The following FZR1 variants were observed in gnomAD, a reference collection of about 807,000 sequenced individuals.
FZR1 encodes fizzy-related protein homolog.
In FZR1, 11 loss-of-function variants were observed where a neutral mutation model predicts 63.6. The observed-to-expected ratio is 0.17, with a 90% CI of 0.11 to 0.29. FZR1 has a LOEUF of 0.29. Among genes scored for constraint, FZR1 ranks in the 10% least tolerant of loss-of-function variants. The pLI, the probability that FZR1 is intolerant of heterozygous loss-of-function variation, is 1.00. For synonymous variants in FZR1, 328 were observed against 297.9 expected (o/e 1.10, Z -1.04); for missense variants, 440 against 687.5 (o/e 0.64, Z 4.03).
rs1568242091 is a variant in FZR1, at chr19:3,534,886, C to CCAGCTCCT, written c.*56_*63dup. 4 of 1,456,832 alleles carry CCAGCTCCT rather than the reference C, an allele frequency of 2.7e-6. No individual in the cohort carries two copies. Among genetic ancestry groups the CCAGCTCCT allele is most frequent in the Non-Finnish European group, 3.8e-6 (4 of 1,040,472 alleles). The allele number at this position is 1,456,832 out of a possible 1,614,324, so 90.2% of individuals were successfully genotyped here. On this transcript the variant is annotated 3_prime_UTR_variant, in exon 14 of 14. Coordinates refer to ENST00000441788, the MANE Select transcript of FZR1 (RefSeq NM_016263.4). ...ACCAGCTGTCCAGAGTCGGAGGACC[C>CCAGCTCCT]CAGCTCCTCAGCTTGCATGGACTCT...
intron 6 of FZR1, 140 bp downstream of exon 6, chr19:3,527,202 G>T (rs571090899): frequency 1.2e-5 from 9 of 727,564 alleles, no homozygotes; most frequent in African/African-American, 1.7e-5. Flanking sequence ...GGGCATAGTG[G>T]CCTGGAGCTG....
chr19:3,518,566 G>A (rs578213372), intron 1 of FZR1, among the ~76,000 whole-genome samples: 5 of 152,278 alleles, frequency 3.3e-5, no homozygotes, highest in Middle Eastern at 3.4e-3. Context: ...GCTTGTGCCC[G>A]CGCTCCTGTG....
intron 1 of FZR1, among the ~76,000 whole-genome samples, chr19:3,522,285 T>C (rs1164631111): frequency 1.3e-5 from 2 of 152,204 alleles, no homozygotes; most frequent in East Asian, 3.9e-4. Flanking sequence ...TGGAACGTTC[T>C]TTGCGGTCTC....
chr19:3,510,323 C>T (rs1050576293), intron 1 of FZR1, among the ~76,000 whole-genome samples: 2 of 152,056 alleles, frequency 1.3e-5, no homozygotes, highest in Non-Finnish European at 2.9e-5. Flanking sequence ...TCTGTAGAGA[C>T]GGGGTTTTAC....
chr19:3,508,215 T>G (rs1252973365), intron 1 of FZR1, among the ~76,000 whole-genome samples: 2 of 147,206 alleles, frequency 1.4e-5, no homozygotes, highest in Non-Finnish European at 3.0e-5. Context: ...TTTTTTTTTT[T>G]TTTTTTGAGA....
chr19:3,516,609 G>A lies in FZR1; in HGVS notation c.-34-6347G>A, dbSNP rs1053267305. 6.6e-6 allele frequency among the ~76,000 whole-genome samples: 1 copy of A among 152,156 alleles called. No homozygotes were observed. Among genetic ancestry groups the A allele is most frequent in the African/African-American group, 2.4e-5 (1 of 41,428 alleles). ...AGGTGAGGTGCCCCGGGAGGCCCCA[G>A]GCCCGGGATACAGGACCCTCCAGAT... On this transcript the variant is annotated intron_variant, in intron 1 of 13. Coordinates refer to ENST00000441788, the MANE Select transcript of FZR1 (RefSeq NM_016263.4). The surrounding 1 kb of genome is among the most constrained non-coding windows in gnomAD (Gnocchi z 6.0).
At chr19:3,524,070 CTT>C (rs1461302970) in intron 2 of FZR1, among the ~76,000 whole-genome samples, 1 of 152,202 alleles carries the variant, frequency 6.6e-6, no homozygotes, top group East Asian at 1.9e-4. Flanking sequence ...TTAGAGGTGT[CTT>C]TGCAATCTCA....
rs745769781 is a variant in FZR1 at position 3,533,198 on chromosome 19, CT to C, written c.1243-95del. 242 of 778,352 alleles carry C rather than the reference CT, an allele frequency of 3.1e-4. No individual in the cohort carries two copies. The highest frequency in any genetic ancestry group is 4.7e-4 in the Non-Finnish European group (211 of 444,540). 48.2% of individuals were successfully genotyped at this position (778,352 alleles called of 1,614,324 possible). ...TCCTGGGCTGGCTGGCGGCTCTGAG[CT>C]CTCACATGGGCTCAGGCGGGTGCAT... is the stretch of plus-strand genomic sequence containing the variant. On this transcript the variant is annotated intron_variant, in intron 11 of 13. Transcript: ENST00000441788. The surrounding 1 kb of genome is among the most constrained non-coding windows in gnomAD (Gnocchi z 4.9).
At chr19:3,518,459 G>C (rs1443111448) in intron 1 of FZR1, among the ~76,000 whole-genome samples, 1 of 152,284 alleles carries the variant, frequency 6.6e-6, no homozygotes, top group East Asian at 1.9e-4. Context: ...AGCCACAAAG[G>C]CTCCCACCAG....
intron 10 of FZR1, 103 bp from the exon 11 acceptor site, chr19:3,532,314 G>A (rs12976193): frequency 1.1e-6 from 1 of 923,284 alleles, no homozygotes; most frequent in African/African-American, 1.7e-5. Context: ...GCAGCAGGAG[G>A]AGTGTGGGGT....
At position 3,526,947 on chromosome 19, in the gene FZR1, G is replaced by T; in HGVS notation, c.388-33G>T. The T allele has an allele frequency of 6.6e-7, 1 of 1,518,912 alleles. No individual in the cohort carries two copies. Among genetic ancestry groups the T allele is most frequent in the Non-Finnish European group, 9.1e-7 (1 of 1,098,074 alleles). The allele number at this position is 1,518,912 out of a possible 1,614,324, so 94.1% of individuals were successfully genotyped here. A position where few individuals can be genotyped will look rare whatever the true frequency, so the allele number is the denominator to read the frequency against. Reference sequence around the variant, plus strand: ...GCTCTGAGGGTCCTGCGGCCTGGGCGTGCGCTCAGCTGGCATGTCCCCCGC... The same window carrying T: ...GCTCTGAGGGTCCTGCGGCCTGGGCTTGCGCTCAGCTGGCATGTCCCCCGC... On this transcript the variant is annotated intron_variant, in intron 5 of 13. Transcript: ENST00000441788. The surrounding 1 kb of genome is among the most constrained non-coding windows in gnomAD (Gnocchi z 5.4).
Position 3,527,008 on chromosome 19 carries a change from C to T in FZR1, c.416C>T (p.Pro139Leu), listed in dbSNP as rs1477176504. The T allele has an allele frequency of 6.2e-7, 1 of 1,612,596 alleles. No individual in the cohort carries two copies. The highest frequency in any genetic ancestry group is 8.5e-7 in the Non-Finnish European group (1 of 1,179,762). Reference sequence around the variant, plus strand: ...TCCCTTAGCACCAAGCGCTCCAGCCCCGATGACGGCAACGATGTGTCTCCC... The same window carrying T: ...TCCCTTAGCACCAAGCGCTCCAGCCTCGATGACGGCAACGATGTGTCTCCC... ...TYSLSTKRSS[P>L]DDGNDVSPYS... The change falls in exon 6 of 14, where the codon CCC becomes CTC. Residue 139 changes from proline (P) to leucine (L), a missense_variant. By Grantham distance (98) the Pro-to-Leu change is moderately conservative. This residue lies in a region of FZR1 where 200 missense variants were observed against 245.1 expected (regional missense o/e 0.82). Coordinates refer to ENST00000441788, the MANE Select transcript of FZR1 (RefSeq NM_016263.4).
chr19:3,507,410 C>G (rs1192838862), intron 1 of FZR1, among the ~76,000 whole-genome samples: 1 of 151,898 alleles, frequency 6.6e-6, no homozygotes, highest in African/African-American at 2.4e-5. Flanking sequence ...AGACCTGTCT[C>G]CACCCCACGT....
chr19:3,507,109 T>G (rs2082989380), intron 1 of FZR1, among the ~76,000 whole-genome samples: 1 of 151,988 alleles, frequency 6.6e-6, no homozygotes, highest in African/African-American at 2.4e-5. Context: ...TGCATGGATG[T>G]CCCCGTCTCA....
intron 1 of FZR1, among the ~76,000 whole-genome samples, chr19:3,512,333 G>A (rs1040929069): frequency 2.0e-5 from 3 of 152,140 alleles, no homozygotes; most frequent in African/African-American, 7.2e-5. Flanking sequence ...GGGTCATGCC[G>A]GGTGCCTGCT....
At chr19:3,532,912 C>CT (rs977380580) in intron 11 of FZR1, among the ~76,000 whole-genome samples, 1 of 152,118 alleles carries the variant, frequency 6.6e-6, no homozygotes, top group Non-Finnish European at 1.5e-5. Flanking sequence ...AGCCGGGGAG[C>CT]TCCTATGGCT....
chr19:3,519,411 G>T (rs1226483712), intron 1 of FZR1, among the ~76,000 whole-genome samples: 1 of 152,214 alleles, frequency 6.6e-6, no homozygotes, highest in East Asian at 1.9e-4. Flanking sequence ...GCCGACGGTG[G>T]TGGCTGATCT....
At position 3,516,593 on chromosome 19, in the gene FZR1, G is replaced by C. The variant is rs2083060315; in HGVS notation, c.-34-6363G>C. Among the ~76,000 whole-genome samples the C allele has an allele frequency of 6.6e-6, 1 of 152,110 alleles. No individual in the cohort carries two copies. Among genetic ancestry groups the C allele is most frequent in the African/African-American group, 2.4e-5 (1 of 41,414 alleles). On this transcript the variant is annotated intron_variant, in intron 1 of 13. Transcript: ENST00000441788. The surrounding 1 kb of genome is among the most constrained non-coding windows in gnomAD (Gnocchi z 6.0). ...CACCGGGCAAGTGTCCAGGTGAGGTGCCCCGGGAGGCCCCAGGCCCGGGAT... is the reference window on the plus strand; with the variant it reads ...CACCGGGCAAGTGTCCAGGTGAGGTCCCCCGGGAGGCCCCAGGCCCGGGAT...
chr19:3,512,309 C>G (rs1172611139), intron 1 of FZR1, among the ~76,000 whole-genome samples: 1 of 152,216 alleles, frequency 6.6e-6, no homozygotes, highest in African/African-American at 2.4e-5. Context: ...CAGCTCTCAC[C>G]AAGCATCTTC....
Sources: allele counts gnomAD v4.1 joint callset (sites outside exome capture counted in the v4.1 genomes callset), GRCh38; gene constraint gnomAD v4.1.1; regional missense constraint gnomAD v4.1.1; non-coding constraint Gnocchi (gnomAD v3.1); transcripts MANE v1.5; gene names NCBI Gene and HGNC (gene_info 2026-07-23, HGNC 2026-07-21).